Variants in FRAS1 observed in about 807,000 individuals in gnomAD.
The protein encoded by FRAS1 is extracellular matrix organizing protein FRAS1.
Under a neutral mutation model 435.2 loss-of-function variants are expected in FRAS1, and 290 were observed. That is an observed-to-expected ratio of 0.67 (90% CI 0.61 to 0.73). The LOEUF is 0.73. FRAS1 is among the 30% of genes least tolerant of loss of function. FRAS1 has a pLI of 0.00. For missense variants in FRAS1, 4,860 were observed against 5,001.5 expected, an observed-to-expected ratio of 0.97 and a Z score of 0.85; for synonymous variants, 1,800 against 1,851.0, an observed-to-expected ratio of 0.97 and a Z score of 0.71.
At chr4:78,323,621 C>A (rs1268920035) in intron 18 of FRAS1, among the ~76,000 whole-genome samples, 1 of 152,136 alleles carries the variant, frequency 6.6e-6, no homozygotes, top group African/African-American at 2.4e-5. Context: ...GCTGCACACC[C>A]CCAAGGGCGC....
intron 2 of FRAS1, among the ~76,000 whole-genome samples, chr4:78,083,804 A>G (rs1277034383): frequency 1.3e-5 from 2 of 152,014 alleles, no homozygotes; most frequent in Non-Finnish European, 2.9e-5. Context: ...AGCACCATCA[A>G]TGAACATTAC....
At chr4:78,171,464 T>C (rs1467210613) in intron 2 of FRAS1, among the ~76,000 whole-genome samples, 1 of 152,206 alleles carries the variant, frequency 6.6e-6, no homozygotes, top group Non-Finnish European at 1.5e-5. Flanking sequence ...TATACTATGC[T>C]TAGAATTCTT....
chr4:78,200,870 AAT>A (rs148259948), intron 2 of FRAS1, among the ~76,000 whole-genome samples: 3 of 139,710 alleles, frequency 2.1e-5, no homozygotes, highest in South Asian at 4.4e-4. Context: ...GCATGCCTTG[AAT>A]ATATATATAT....
chr4:78,205,323 T>C (rs1723211659), intron 2 of FRAS1, among the ~76,000 whole-genome samples: 1 of 151,888 alleles, frequency 6.6e-6, no homozygotes. Flanking sequence ...TGCTTCAGCC[T>C]CCTGTGTAGC....
chr4:78,070,456 T>G (rs1740284732), intron 2 of FRAS1: 1 of 152,140 alleles, frequency 6.6e-6, no homozygotes, highest in Non-Finnish European at 1.5e-5. Context: ...TTCTTTTTAT[T>G]CCTAGAGTAA....
chr4:78,117,493 TC>T (rs2109955682), intron 2 of FRAS1, among the ~76,000 whole-genome samples: 1 of 152,348 alleles, frequency 6.6e-6, no homozygotes, highest in Non-Finnish European at 1.5e-5. Flanking sequence ...TTTGGTTTTT[TC>T]ACATAGTCCC....
In FRAS1 at chr4:78,363,626, TG is replaced by T. The variant is rs1376135632; in HGVS notation, c.2537del (p.Cys846SerfsTer124). Reference sequence around the variant, plus strand: ...GCTCGGGGACCACTGTGTTCCTGACTGCCCTTCAGGATACTATGCAGAGAGA... The same window carrying T: ...GCTCGGGGACCACTGTGTTCCTGACTCCCTTCAGGATACTATGCAGAGAGA... ...LLLGDHCVPD[C>X]PSGYYAERGA... On this transcript the variant is annotated frameshift_variant, in exon 21 of 74. Transcript: ENST00000512123. LOFTEE classifies it high-confidence loss of function. The T allele has an allele frequency of 1.2e-6, 2 of 1,603,542 alleles. No individual in the cohort carries two copies. The highest frequency in any genetic ancestry group is 8.5e-7 in the Non-Finnish European group (1 of 1,175,158).
At chr4:78,306,945 T>G (rs901806771) in intron 14 of FRAS1, among the ~76,000 whole-genome samples, 9 of 152,238 alleles carry the variant, frequency 5.9e-5, no homozygotes, top group Non-Finnish European at 1.2e-4. Flanking sequence ...GGCACTCTGC[T>G]TTTTAGAGTT....
At chr4:78,302,394 T>C (rs1376335049) in intron 14 of FRAS1, among the ~76,000 whole-genome samples, 1 of 151,560 alleles carries the variant, frequency 6.6e-6, no homozygotes, top group Non-Finnish European at 1.5e-5. Context: ...CTGGGTCAAA[T>C]GGTATTTCTA....
chr4:78,228,126 T>A (rs961102073), intron 2 of FRAS1, among the ~76,000 whole-genome samples: 3 of 152,102 alleles, frequency 2.0e-5, no homozygotes, highest in African/African-American at 7.2e-5. Context: ...ATATGAGAGA[T>A]AATGGTGTAG....
At chr4:78,362,170 C>T (rs1731094725) in intron 20 of FRAS1, among the ~76,000 whole-genome samples, 1 of 152,224 alleles carries the variant, frequency 6.6e-6, no homozygotes, top group South Asian at 2.1e-4. Context: ...GACTTTTCAA[C>T]TCACAACTCT....
intron 47 of FRAS1, among the ~76,000 whole-genome samples, chr4:78,463,808 C>T (rs554957062): frequency 8.5e-5 from 13 of 152,248 alleles, no homozygotes; most frequent in Non-Finnish European, 1.5e-4. Flanking sequence ...GCATAGAAGC[C>T]ACCATAATTA....
chr4:78,286,343 G>C (rs1373503648), intron 13 of FRAS1, 62 bp from the exon 14 acceptor site: 14 of 1,594,720 alleles, frequency 8.8e-6, no homozygotes, highest in Non-Finnish European at 1.2e-5. Context: ...CTGGCATGGG[G>C]GTGGTGTCTT....
rs1220418185 is a variant in FRAS1 at position 78,477,902 on chromosome 4, G to T, written c.7939G>T (p.Val2647Leu). The part of the protein sequence containing the change: ...DVFENVESFT[V>L]ELSMPAYALL... The stretch of plus-strand genomic sequence containing the variant: ...GTTTGAAAATGTTGAGAGTTTCACT[G>T]TGGAGCTCAGCATGCCAGCTTATGC... Residue 2647 changes from valine to leucine, a missense_variant, in exon 55 of 74, where the codon GTG becomes TTG. Coordinates refer to ENST00000512123, the MANE Select transcript of FRAS1 (RefSeq NM_025074.7). 6.2e-7 allele frequency: 1 copy of T among 1,613,628 alleles called. No individual in the cohort carries two copies. Among genetic ancestry groups the T allele is most frequent in the Non-Finnish European group, 8.5e-7 (1 of 1,179,776 alleles).
At chr4:78,482,815 G>T (rs974275396) in intron 58 of FRAS1, among the ~76,000 whole-genome samples, 1 of 151,998 alleles carries the variant, frequency 6.6e-6, no homozygotes, top group African/African-American at 2.4e-5. Flanking sequence ...GACCCTTAAA[G>T]AGAGAAATTG....
chr4:78,497,862 T>C (rs1230562337), intron 60 of FRAS1, among the ~76,000 whole-genome samples: 1 of 152,146 alleles, frequency 6.6e-6, no homozygotes, highest in Non-Finnish European at 1.5e-5. Flanking sequence ...AGCCTCAAAG[T>C]TGAATTAGTC....
chr4:78,413,040 A>C lies in FRAS1; in HGVS notation c.4380A>C (p.Thr1460=), dbSNP rs917463416. The C allele has an allele frequency of 6.2e-7, 1 of 1,611,638 alleles. No individual in the cohort carries two copies. The change falls in exon 32 of 74, where the codon ACA becomes ACC. Residue 1460 remains threonine (T), a synonymous_variant. Transcript: ENST00000512123. ...TCAACATCGCGATCTTACCACAGAC[A>C]CCTGAAGCACCTAAAGTGTCTCTGG... The part of the protein sequence containing the change: ...HMFNIAILPQ[T]PEAPKVSLEA...
chr4:78,181,747 C>T (rs889835521), intron 2 of FRAS1: 2 of 1,609,916 alleles, frequency 1.2e-6, no homozygotes, highest in Non-Finnish European at 1.7e-6. Flanking sequence ...CTTTCTTAAG[C>T]GCCACGGGCG....
At chr4:78,459,963 A>G (rs963199598) in intron 47 of FRAS1, among the ~76,000 whole-genome samples, 3 of 152,186 alleles carry the variant, frequency 2.0e-5, no homozygotes, top group African/African-American at 4.8e-5. Context: ...CTATTTCCAG[A>G]TAAGTTACAT....
Sources: gnomAD v4.1 joint callset for allele counts (sites outside exome capture counted in the v4.1 genomes callset) on GRCh38, gnomAD v4.1.1 for gene constraint, MANE v1.5 for transcripts, NCBI Gene and HGNC (gene_info 2026-07-23, HGNC 2026-07-21) for gene names.